BEND5: variants seen among roughly 807,000 people sequenced by gnomAD.
BEND5 encodes the protein BEN domain containing 5, also known as BEN domain-containing protein 5.
Under a neutral mutation model 43.9 loss-of-function variants are expected in BEND5, and 22 were observed. The observed-to-expected ratio is 0.50, with a 90% CI of 0.36 to 0.72. BEND5 has a LOEUF of 0.72. Ranked by LOEUF, BEND5 falls within the 30% of genes least tolerant of loss-of-function variation. The probability of loss-of-function intolerance (pLI) is 0.00; values close to 1 mark genes in which losing one functional copy is unlikely to be tolerated. For missense variants in BEND5, 428 were observed against 550.6 expected, an observed-to-expected ratio of 0.78 and a Z score of 2.23; for synonymous variants, 228 against 225.9, an observed-to-expected ratio of 1.01 and a Z score of -0.08.
chr1:48,738,825 C>T (rs1649469764), intron 4 of BEND5, among the ~76,000 whole-genome samples: 1 of 152,048 alleles, frequency 6.6e-6, no homozygotes, highest in South Asian at 2.1e-4. Context: ...ACCTGGTTCA[C>T]GTACAATGAA....
intron 3 of BEND5, among the ~76,000 whole-genome samples, chr1:48,751,928 T>A (rs1004975801): frequency 6.6e-6 from 1 of 152,226 alleles, no homozygotes; most frequent in Non-Finnish European, 1.5e-5. Context: ...TATTTTAAAC[T>A]GTGGCTACTT....
At chr1:48,776,574 GTC>G in intron 1 of BEND5, 30 bp downstream of exon 1, 1 of 1,372,530 alleles carries the variant, frequency 7.3e-7, no homozygotes, top group Non-Finnish European at 9.4e-7. Flanking sequence ...CCCCGCCCGG[GTC>G]CCACCGTCCC....
intron 4 of BEND5, among the ~76,000 whole-genome samples, chr1:48,739,251 A>G (rs1649538839): frequency 6.6e-6 from 1 of 152,190 alleles, no homozygotes; most frequent in Non-Finnish European, 1.5e-5. Context: ...CCCATCCTAT[A>G]ATCACGACAG....
rs1241442421 is a variant in BEND5 at position 48,742,698 on chromosome 1, A to G, written c.819T>C (p.Ser273=). Reference sequence around the variant, plus strand: ...AATAGGACGACGTATTTGCTTCCTCACTGAAAGTGCTCCGTAACTCCGGCT... The same window carrying G: ...AATAGGACGACGTATTTGCTTCCTCGCTGAAAGTGCTCCGTAACTCCGGCT... ...EPEPELRSTF[S]EEANTSSYYP... is the part of the protein sequence containing the mutation. Residue 273 remains serine, a synonymous_variant, in exon 4 of 6, where the codon AGT becomes AGC. Coordinates refer to ENST00000371833, the MANE Select transcript of BEND5 (RefSeq NM_024603.4). The G allele has an allele frequency of 6.2e-7, 1 of 1,611,610 alleles. No individual in the cohort carries two copies. The highest frequency in any genetic ancestry group is 8.5e-7 in the Non-Finnish European group (1 of 1,178,808).
intron 1 of BEND5, among the ~76,000 whole-genome samples, chr1:48,772,999 C>A (rs1396032373): frequency 6.6e-6 from 1 of 152,116 alleles, no homozygotes; most frequent in African/African-American, 2.4e-5. Flanking sequence ...TCCTACATAG[C>A]AGGACATGAA....
intron 5 of BEND5, among the ~76,000 whole-genome samples, chr1:48,729,392 G>T (rs1002407819): frequency 6.6e-6 from 1 of 152,064 alleles, no homozygotes; most frequent in Non-Finnish European, 1.5e-5. Context: ...TGTAATAATG[G>T]GCAAAACCCT....
Position 48,752,938 on chromosome 1 carries a change from C to T in BEND5, c.745+5962G>A, listed in dbSNP as rs180928528. On this transcript the variant is annotated intron_variant, in intron 3 of 5. Coordinates refer to ENST00000371833, the MANE Select transcript of BEND5 (RefSeq NM_024603.4). ...CTAATTTTTGTATTTTTAGTAGAGG[C>T]GGGGTTTCACCATGTTGGCCAGGAT... Among the ~76,000 whole-genome samples the T allele has an allele frequency of 3.3e-3, 496 of 152,158 alleles. 3 individuals carry two copies. Among genetic ancestry groups the T allele is most frequent in the African/African-American group, 0.01 (427 of 41,528 alleles).
At chr1:48,756,929 C>T (rs1643965458) in intron 3 of BEND5, among the ~76,000 whole-genome samples, 1 of 152,136 alleles carries the variant, frequency 6.6e-6, no homozygotes, top group African/African-American at 2.4e-5. Flanking sequence ...TGTGCAATGG[C>T]CTTCAAGGCC....
At chr1:48,742,844 C>CT in intron 3 of BEND5, 73 bp from the exon 4 acceptor site, 1 of 1,407,738 alleles carries the variant, frequency 7.1e-7, no homozygotes, top group Non-Finnish European at 9.4e-7. Context: ...AACTAGGCAT[C>CT]TATCAGCACA....
intron 2 of BEND5, chr1:48,761,109 A>T: frequency 2.0e-6 from 1 of 501,918 alleles, no homozygotes; most frequent in South Asian, 2.4e-5. Context: ...CAGACTGTGC[A>T]AACAGGACCA....
intron 5 of BEND5, among the ~76,000 whole-genome samples, chr1:48,735,090 A>G (rs917603744): frequency 6.6e-6 from 1 of 152,236 alleles, no homozygotes; most frequent in Non-Finnish European, 1.5e-5. Flanking sequence ...TAGGGTTGCT[A>G]TGAGGATAAT....
At chr1:48,771,716 A>C (rs1489108093) in intron 1 of BEND5, among the ~76,000 whole-genome samples, 2 of 152,242 alleles carry the variant, frequency 1.3e-5, no homozygotes, top group Non-Finnish European at 2.9e-5. Flanking sequence ...GAAATCGGCT[A>C]GTCCTCTGCT....
At chr1:48,742,427 A>G (rs759501715) in intron 4 of BEND5, among the ~76,000 whole-genome samples, 196 bp downstream of exon 4, 29 of 152,224 alleles carry the variant, frequency 1.9e-4, no homozygotes, top group Non-Finnish European at 3.4e-4. Flanking sequence ...AAAGAAAAAA[A>G]AAAGGAAGAA....
chr1:48,744,060 G>A (rs1650348179), intron 3 of BEND5, among the ~76,000 whole-genome samples: 1 of 152,148 alleles, frequency 6.6e-6, no homozygotes, highest in Non-Finnish European at 1.5e-5. Context: ...TCCCATTCCT[G>A]GCTACACTAT....
intron 1 of BEND5, among the ~76,000 whole-genome samples, chr1:48,773,036 G>A (rs565933061): frequency 1.3e-5 from 2 of 152,210 alleles, no homozygotes; most frequent in East Asian, 1.9e-4. Context: ...CCCCTGGGTC[G>A]TGCTGTCATT....
intron 5 of BEND5, among the ~76,000 whole-genome samples, chr1:48,728,845 A>G (rs1215882918): frequency 2.0e-5 from 3 of 152,238 alleles, no homozygotes; most frequent in African/African-American, 7.2e-5. Flanking sequence ...GCCCCATTTC[A>G]ATAGTACTTG....
intron 1 of BEND5, among the ~76,000 whole-genome samples, chr1:48,773,660 A>G (rs1213035819): frequency 6.6e-6 from 1 of 152,212 alleles, no homozygotes; most frequent in Non-Finnish European, 1.5e-5. Context: ...CATGCTGTGT[A>G]GCTGATGGGA....
chr1:48,749,854 C>G (rs1157721411), intron 3 of BEND5, among the ~76,000 whole-genome samples: 1 of 152,208 alleles, frequency 6.6e-6, no homozygotes, highest in African/African-American at 2.4e-5. Flanking sequence ...GTCAAGGAAG[C>G]ATTGAAGGCC....
chr1:48,760,884 A>C (rs981479283), intron 2 of BEND5, among the ~76,000 whole-genome samples: 1 of 152,220 alleles, frequency 6.6e-6, no homozygotes, highest in African/African-American at 2.4e-5. Flanking sequence ...AAATGTTTTC[A>C]TCTAACCCGA....
Sources: allele counts gnomAD v4.1 joint callset (sites outside exome capture counted in the v4.1 genomes callset), GRCh38; gene constraint gnomAD v4.1.1; transcripts MANE v1.5; gene names NCBI Gene and HGNC (gene_info 2026-07-23, HGNC 2026-07-21).